The following KIAA1549L variants were observed in gnomAD, a reference collection of about 807,000 sequenced individuals.
The protein encoded by KIAA1549L is KIAA1549 like.
In KIAA1549L, 88 loss-of-function variants were observed where a neutral mutation model predicts 160.7. The ratio of observed to expected loss-of-function variants is 0.55; its 90% CI spans 0.46 to 0.65. KIAA1549L has a LOEUF of 0.65. KIAA1549L is among the 30% of genes least tolerant of loss of function. The pLI, the probability that KIAA1549L is intolerant of heterozygous loss-of-function variation, is 0.00. For synonymous variants in KIAA1549L, 950 were observed against 976.7 expected (o/e 0.97, Z 0.51); for missense variants, 2,258 against 2,437.5 (o/e 0.93, Z 1.55).
intron 1 of KIAA1549L, among the ~76,000 whole-genome samples, chr11:33,514,461 A>G (rs1853298517): frequency 6.6e-6 from 1 of 152,174 alleles, no homozygotes; most frequent in East Asian, 1.9e-4. Context: ...TTTCTGTGCC[A>G]GATTAGGAGG....
At chr11:33,642,977 G>A (rs1161850747) in intron 16 of KIAA1549L, among the ~76,000 whole-genome samples, 1 of 152,154 alleles carries the variant, frequency 6.6e-6, no homozygotes, top group Non-Finnish European at 1.5e-5. Context: ...CAGTCTTGGG[G>A]AAGTCATACT....
At chr11:33,486,293 T>C (rs964303302) in intron 1 of KIAA1549L, among the ~76,000 whole-genome samples, 2 of 152,194 alleles carry the variant, frequency 1.3e-5, no homozygotes, top group Non-Finnish European at 2.9e-5. Context: ...TGGAAGTTCC[T>C]CAAAAAATTA....
chr11:33,377,750 A>AT (rs2134026059), intron 1 of KIAA1549L, among the ~76,000 whole-genome samples: 1 of 152,306 alleles, frequency 6.6e-6, no homozygotes, highest in Admixed American at 6.5e-5. Context: ...GTAGTTTTGC[A>AT]TTTTTTAGCA....
chr11:33,613,788 G>T (rs1479797873), intron 15 of KIAA1549L, among the ~76,000 whole-genome samples: 1 of 152,030 alleles, frequency 6.6e-6, no homozygotes, highest in African/African-American at 2.4e-5. Context: ...TCAAATAAAA[G>T]ACAAAGTTTA....
At position 33,646,027 on chromosome 11, in the gene KIAA1549L, GC is replaced by G; in HGVS notation, c.5755del (p.Arg1919GlyfsTer73). On this transcript the variant is annotated frameshift_variant, in exon 17 of 21. Transcript: ENST00000658780. LOFTEE classifies it high-confidence loss of function. Reference sequence around the variant, plus strand: ...GCCCAGAAATGTATCAGTACAGTCTGCCCCGGCCGGTAAGTCATTCATTCCA... The same window carrying G: ...GCCCAGAAATGTATCAGTACAGTCTGCCCGGCCGGTAAGTCATTCATTCCA... ...YRPEMYQYSL[P>X]RPAYRFSQLP... 6.4e-7 allele frequency: 1 copy of G among 1,563,110 alleles called. No individual in the cohort carries two copies. The highest frequency in any genetic ancestry group is 1.2e-5 in the South Asian group (1 of 85,356).
At chr11:33,581,823 C>G (rs1855654265) in intron 10 of KIAA1549L, among the ~76,000 whole-genome samples, 1 of 151,970 alleles carries the variant, frequency 6.6e-6, no homozygotes, top group African/African-American at 2.4e-5. Context: ...TTAATGTGTC[C>G]AAGATAAAAT....
chr11:33,394,258 C>T (rs1032593439), intron 1 of KIAA1549L, among the ~76,000 whole-genome samples: 1 of 151,992 alleles, frequency 6.6e-6, no homozygotes, highest in African/African-American at 2.4e-5. Context: ...TGGTGGTGTG[C>T]ACCTATAGTC....
At position 33,668,332 on chromosome 11, in the gene KIAA1549L, T is replaced by C. The variant is rs1412510283; in HGVS notation, c.*178T>C. On this transcript the variant is annotated 3_prime_UTR_variant, in exon 21 of 21. Transcript: ENST00000658780. ...AGGAAACTCTTGAACGACTAGATTC[T>C]TGGCTCATCCAACTGATTGTGGGTC... The C allele has an allele frequency of 1.6e-6, 1 of 639,216 alleles. No individual in the cohort carries two copies. The highest frequency in any genetic ancestry group is 2.7e-6 in the Non-Finnish European group (1 of 374,522). The allele number at this position is 639,216 out of a possible 1,614,324, so 39.6% of individuals were successfully genotyped here. A position where few individuals can be genotyped will look rare whatever the true frequency, so the allele number is the denominator to read the frequency against.
At chr11:33,512,589 A>C (rs1328903783) in intron 1 of KIAA1549L, among the ~76,000 whole-genome samples, 1 of 152,146 alleles carries the variant, frequency 6.6e-6, no homozygotes, top group East Asian at 1.9e-4. Context: ...CCCCCAGATA[A>C]CTTTTATATT....
At chr11:33,458,573 G>T (rs1173281879) in intron 1 of KIAA1549L, among the ~76,000 whole-genome samples, 1 of 152,250 alleles carries the variant, frequency 6.6e-6, no homozygotes, top group African/African-American at 2.4e-5. Flanking sequence ...GAGGGGAGCT[G>T]TGTCAAAGCT....
chr11:33,530,439 ATATATATATATATATAT>A (rs1853738621), intron 1 of KIAA1549L, among the ~76,000 whole-genome samples: 1 of 3,744 alleles, frequency 2.7e-4, no homozygotes, highest in Non-Finnish European at 5.0e-4. Context: ...AAAAAAAAAT[ATATATATATATATATAT>A]ATATATATAT....
chr11:33,437,289 A>T (rs934547600), intron 1 of KIAA1549L, among the ~76,000 whole-genome samples: 1 of 152,196 alleles, frequency 6.6e-6, no homozygotes, highest in Non-Finnish European at 1.5e-5. Flanking sequence ...GTGGTTGTGA[A>T]TGGAAAAAAG....
chr11:33,425,721 C>T (rs145455558), intron 1 of KIAA1549L, among the ~76,000 whole-genome samples: 6 of 152,164 alleles, frequency 3.9e-5, no homozygotes, highest in South Asian at 2.1e-4. Flanking sequence ...TTGCATCACA[C>T]GTCATATGGA....
chr11:33,430,076 TTCCC>T (rs1272043552), intron 1 of KIAA1549L, among the ~76,000 whole-genome samples: 2 of 127,654 alleles, frequency 1.6e-5, no homozygotes, highest in Non-Finnish European at 3.3e-5. Flanking sequence ...CGTTCCTCCC[TTCCC>T]TCCCTCCCTC....
At chr11:33,547,157 A>C (rs1325956451) in intron 3 of KIAA1549L, among the ~76,000 whole-genome samples, 1 of 152,192 alleles carries the variant, frequency 6.6e-6, no homozygotes, top group Non-Finnish European at 1.5e-5. Flanking sequence ...TCCTTGTCAG[A>C]TTTCACTCTT....
At chr11:33,464,858 A>C (rs1228227462) in intron 1 of KIAA1549L, among the ~76,000 whole-genome samples, 1 of 151,718 alleles carries the variant, frequency 6.6e-6, no homozygotes, top group Non-Finnish European at 1.5e-5. Flanking sequence ...TGGAATTTCC[A>C]TTCAGATTTT....
intron 1 of KIAA1549L, among the ~76,000 whole-genome samples, chr11:33,523,274 T>C (rs1166564459): frequency 6.6e-6 from 1 of 152,196 alleles, no homozygotes; most frequent in Non-Finnish European, 1.5e-5. Context: ...TGCAGTCAAC[T>C]CATTTGGGGA....
chr11:33,434,029 G>A (rs1333022106), intron 1 of KIAA1549L, among the ~76,000 whole-genome samples: 5 of 151,714 alleles, frequency 3.3e-5, no homozygotes, highest in East Asian at 1.9e-4. Flanking sequence ...TAACCTGCAC[G>A]TTCTGCACAT....
At chr11:33,401,413 G>A (rs1850498522) in intron 1 of KIAA1549L, among the ~76,000 whole-genome samples, 1 of 150,848 alleles carries the variant, frequency 6.6e-6, no homozygotes, top group Non-Finnish European at 1.5e-5. Context: ...TTCCCCATCA[G>A]TATCATTTCC....
Sources: gnomAD v4.1 joint callset for allele counts (sites outside exome capture counted in the v4.1 genomes callset) on GRCh38, gnomAD v4.1.1 for gene constraint, MANE v1.5 for transcripts, NCBI Gene and HGNC (gene_info 2026-07-23, HGNC 2026-07-21) for gene names.